Variants in OPA1 observed in about 807,000 individuals in gnomAD.
The protein encoded by OPA1 is OPA1 mitochondrial dynamin like GTPase.
A neutral mutation model predicts 152.9 loss-of-function variants in OPA1; 59 were observed. The ratio of observed to expected loss-of-function variants is 0.39; its 90% CI spans 0.31 to 0.48. OPA1 has a LOEUF of 0.48. Ranked by LOEUF, OPA1 falls within the 20% of genes least tolerant of loss-of-function variation. The pLI, the probability that OPA1 is intolerant of heterozygous loss-of-function variation, is 0.96. For missense variants in OPA1, 1,008 were observed against 1,216.8 expected, an observed-to-expected ratio of 0.83 and a Z score of 2.55; for synonymous variants, 400 against 389.9, an observed-to-expected ratio of 1.03 and a Z score of -0.31.
Position 193,648,055 on chromosome 3 carries a change from T to C in OPA1, c.1871-15T>C, listed in dbSNP as rs761388274. On this transcript the variant is annotated splice_polypyrimidine_tract_variant and intron_variant, in intron 19 of 30. Coordinates refer to ENST00000361510, the MANE Select transcript of OPA1 (RefSeq NM_130837.3). ...AAGGAGGGTCATCAAACTTGAACTT[T>C]TCCTTCTTCCTCAGCAACACGTTTT... 5.6e-6 allele frequency: 9 copies of C among 1,605,992 alleles called. No homozygotes were observed. The African/African-American group carries it at 1.2e-4, about 21-fold the overall frequency.
At chr3:193,653,575 A>T (rs1713060773) in intron 21 of OPA1, among the ~76,000 whole-genome samples, 1 of 152,056 alleles carries the variant, frequency 6.6e-6, no homozygotes, top group African/African-American at 2.4e-5. Context: ...TTAGTGACCC[A>T]TGTTCTTTTA....
intron 1 of OPA1, chr3:193,596,699 A>G (rs1470004125): frequency 3.9e-5 from 6 of 152,354 alleles, no homozygotes; most frequent in Non-Finnish European, 7.3e-5. Flanking sequence ...AATAACAACA[A>G]GGAGTACGCC....
chr3:193,593,457 G>C (rs1380085560), intron 1 of OPA1, 48 bp downstream of exon 1: 1 of 1,488,356 alleles, frequency 6.7e-7, no homozygotes. Flanking sequence ...GGCCTCTTGA[G>C]AGTGGGGCTG....
chr3:193,635,570 TTG>T, intron 9 of OPA1, 48 bp downstream of exon 9: 1 of 1,101,146 alleles, frequency 9.1e-7, no homozygotes, highest in Non-Finnish European at 1.4e-6. Context: ...CCGCTTAACG[TTG>T]TGTGTTCATC....
chr3:193,675,088 G>A (rs1267566502), intron 29 of OPA1, among the ~76,000 whole-genome samples: 3 of 152,078 alleles, frequency 2.0e-5, no homozygotes, highest in Non-Finnish European at 4.4e-5. Context: ...GAGACACAAC[G>A]TCACTTTGGA....
Position 193,596,921 on chromosome 3 carries a change from C to T in OPA1, c.32+3512C>T, listed in dbSNP as rs537791499. The T allele has an allele frequency of 4.7e-4, 72 of 152,290 alleles. 1 individual carries two copies. The highest frequency in any genetic ancestry group is 3.4e-3 in the Middle Eastern group (1 of 294). 9.4% of individuals were successfully genotyped at this position (152,290 alleles called of 1,614,324 possible). A position where few individuals can be genotyped will look rare whatever the true frequency, so the allele number is the denominator to read the frequency against. Reference sequence around the variant, plus strand: ...TTAACACCAAAGAAGACGTGTGAGACTCCGTACTGAAACTAAAGACGACTT... The same window carrying T: ...TTAACACCAAAGAAGACGTGTGAGATTCCGTACTGAAACTAAAGACGACTT... On this transcript the variant is annotated intron_variant, in intron 1 of 30. Coordinates refer to ENST00000361510, the MANE Select transcript of OPA1 (RefSeq NM_130837.3).
chr3:193,680,709 G>A (rs1031006168), intron 29 of OPA1, among the ~76,000 whole-genome samples: 1 of 152,110 alleles, frequency 6.6e-6, no homozygotes, highest in African/African-American at 2.4e-5. Flanking sequence ...AATTTTTAAA[G>A]CATTTAATTG....
chr3:193,662,000 G>A (rs1052344711), intron 25 of OPA1, among the ~76,000 whole-genome samples: 2 of 152,010 alleles, frequency 1.3e-5, no homozygotes, highest in African/African-American at 4.8e-5. Flanking sequence ...TCATAGCTGT[G>A]ATAGAGTTTG....
chr3:193,597,480 T>G, intron 1 of OPA1, among the ~76,000 whole-genome samples: 1 of 151,738 alleles, frequency 6.6e-6, no homozygotes, highest in Non-Finnish European at 1.5e-5. Flanking sequence ...CACCTGAGGT[T>G]AGGAGTTCGA....
chr3:193,596,828 T>C (rs1268627954), intron 1 of OPA1: 1 of 152,162 alleles, frequency 6.6e-6, no homozygotes, highest in African/African-American at 2.4e-5. Context: ...ATGGTCTCGC[T>C]CCAAGTGGAT....
chr3:193,693,149 G>C (rs2109466781), intron 30 of OPA1, among the ~76,000 whole-genome samples: 1 of 152,322 alleles, frequency 6.6e-6, no homozygotes, highest in East Asian at 1.9e-4. Flanking sequence ...GCTCGGTTCA[G>C]GTCAGTTCAG....
At chr3:193,621,058 A>C (rs184030300) in intron 6 of OPA1, among the ~76,000 whole-genome samples, 17 of 152,374 alleles carry the variant, frequency 1.1e-4, no homozygotes, top group African/African-American at 3.8e-4. Context: ...CCCCAGATTT[A>C]AACAGTATTT....
intron 29 of OPA1, 26 bp downstream of exon 29, chr3:193,667,306 C>T (rs771223065): frequency 1.2e-5 from 12 of 969,134 alleles, no homozygotes; most frequent in Non-Finnish European, 2.0e-5. Flanking sequence ...TGCCCTCTAC[C>T]TTACTACCTT....
chr3:193,637,890 A>G (rs1733186430), intron 10 of OPA1, 62 bp from the exon 11 acceptor site: 2 of 1,294,870 alleles, frequency 1.5e-6, no homozygotes, highest in South Asian at 2.4e-5. Context: ...CATTACAAAT[A>G]GGTTTTAATT....
Position 193,657,122 on chromosome 3 carries a change from A to G in OPA1, c.2221A>G (p.Thr741Ala), listed in dbSNP as rs1455097606. The change falls in exon 23 of 31, where the codon ACA becomes GCA. Residue 741 changes from threonine to alanine, a missense_variant. By Grantham distance (58) the Thr-to-Ala change is moderately conservative (BLOSUM62 0). Around this residue, in one of 7 missense-constraint regions of OPA1, gnomAD observed 229 missense variants for 269.0 expected, o/e 0.85. Coordinates refer to ENST00000361510, the MANE Select transcript of OPA1 (RefSeq NM_130837.3). Reference sequence around the variant, plus strand: ...ACAAGAAGAATTTTCCCGCTTTATGACAGAACCGAAAGGGAAAGAGCATGA... The same window carrying G: ...ACAAGAAGAATTTTCCCGCTTTATGGCAGAACCGAAAGGGAAAGAGCATGA... ...TLQEEFSRFM[T>A]EPKGKEHDDI... 2 of 1,613,952 alleles carry G rather than the reference A, an allele frequency of 1.2e-6. No individual in the cohort carries two copies. Among genetic ancestry groups the G allele is most frequent in the Non-Finnish European group, 8.5e-7 (1 of 1,179,922 alleles).
intron 21 of OPA1, among the ~76,000 whole-genome samples, chr3:193,653,426 A>G (rs1002831231): frequency 2.0e-5 from 3 of 152,150 alleles, no homozygotes; most frequent in African/African-American, 7.2e-5. Context: ...ATTTGTGGCT[A>G]TATCCTAAAG....
intron 29 of OPA1, among the ~76,000 whole-genome samples, chr3:193,679,134 G>A (rs780538605): frequency 3.9e-5 from 6 of 152,130 alleles, no homozygotes; most frequent in East Asian, 1.9e-4. Flanking sequence ...CTGTTGGGGC[G>A]TGGGGGGCGA....
At chr3:193,637,172 A>T in intron 9 of OPA1, 23 bp from the exon 10 acceptor site, 1 of 1,373,330 alleles carries the variant, frequency 7.3e-7, no homozygotes, top group Non-Finnish European at 1.0e-6. Flanking sequence ...GTTTTATATT[A>T]TAACTTTTTA....
chr3:193,593,477 T>C (rs1724975527), intron 1 of OPA1, 68 bp downstream of exon 1: 1 of 1,411,566 alleles, frequency 7.1e-7, no homozygotes, highest in Non-Finnish European at 9.4e-7. Flanking sequence ...GTCTTATCTC[T>C]ATCTCCAAAA....
Sources: gnomAD v4.1 joint callset for allele counts (sites outside exome capture counted in the v4.1 genomes callset) on GRCh38, gnomAD v4.1.1 for gene constraint, gnomAD v4.1.1 regional missense constraint, MANE v1.5 for transcripts, NCBI Gene and HGNC (gene_info 2026-07-23, HGNC 2026-07-21) for gene names.